The following PEMT variants were observed in gnomAD, a reference collection of about 807,000 sequenced individuals.
PEMT encodes the protein phospholipid methyltransferase.
In PEMT, 23 loss-of-function variants were observed where a neutral mutation model predicts 27.4. The ratio of observed to expected loss-of-function variants is 0.84; its 90% confidence interval spans 0.60 to 1.19. The LOEUF (loss-of-function observed/expected upper bound fraction) is 1.19. PEMT is among the 50% of genes most tolerant of loss of function. The probability of loss-of-function intolerance (pLI) is 0.00; values close to 1 mark genes in which losing one functional copy is unlikely to be tolerated. For missense variants in PEMT, 307 were observed against 310.1 expected (o/e 0.99, Z 0.07); for synonymous variants, 137 against 139.1 (o/e 0.98, Z 0.11).
intron 5 of PEMT, chr17:17,507,076 T>G: frequency 8.1e-7 from 1 of 1,230,286 alleles, no homozygotes; most frequent in Non-Finnish European, 1.2e-6. Flanking sequence ...CGGCAGCTCG[T>G]CAGTGACGGC....
In PEMT at chr17:17,559,597, C is replaced by G. The variant is rs1353925853; in HGVS notation, c.204+17323G>C. Among the ~76,000 whole-genome samples the G allele has an allele frequency of 2.6e-5, 4 of 152,302 alleles. No individual in the cohort carries two copies. In the East Asian group the frequency reaches 7.7e-4, roughly 29 times the overall value. Reference sequence around the variant, plus strand: ...AAAGGCTGGTGGGGCCAGATGAAGGCCAGTTCTGGCTGGTAAGGGACGTCC... The same window carrying G: ...AAAGGCTGGTGGGGCCAGATGAAGGGCAGTTCTGGCTGGTAAGGGACGTCC... On this transcript the variant is annotated intron_variant, in intron 2 of 6. Coordinates refer to ENST00000255389, the MANE Select transcript of PEMT (RefSeq NM_148172.3).
intron 3 of PEMT, chr17:17,517,999 C>T (rs559623596): frequency 1.1e-5 from 11 of 985,426 alleles, no homozygotes; most frequent in African/African-American, 3.5e-5. Flanking sequence ...GATTCCTGAT[C>T]GACAGCCACA....
intron 3 of PEMT, among the ~76,000 whole-genome samples, chr17:17,515,064 C>T (rs971430600): frequency 6.6e-6 from 1 of 152,164 alleles, no homozygotes; most frequent in Non-Finnish European, 1.5e-5. Context: ...CCAGGTGCTG[C>T]AATAGGGGGT....
At chr17:17,581,483 A>C (rs1911975978) in intron 1 of PEMT, among the ~76,000 whole-genome samples, 1 of 152,190 alleles carries the variant, frequency 6.6e-6, no homozygotes, top group Non-Finnish European at 1.5e-5. Flanking sequence ...ACAAGGATAA[A>C]AGTGAGTGCT....
chr17:17,537,192 G>T (rs1908535964), intron 2 of PEMT, among the ~76,000 whole-genome samples: 1 of 152,214 alleles, frequency 6.6e-6, no homozygotes, highest in East Asian at 1.9e-4. Flanking sequence ...TGCTGCCCTG[G>T]AAAGAAGGAG....
At chr17:17,577,071 G>T in intron 1 of PEMT, 44 bp from the exon 2 acceptor site, 1 of 1,437,344 alleles carries the variant, frequency 7.0e-7, no homozygotes, top group South Asian at 1.1e-5. Flanking sequence ...GACACAGCAG[G>T]GCCTGTGAGC....
At chr17:17,536,152 G>A (rs1908455990) in intron 2 of PEMT, among the ~76,000 whole-genome samples, 1 of 152,256 alleles carries the variant, frequency 6.6e-6, no homozygotes, top group South Asian at 2.1e-4. Context: ...CACAGGGCCT[G>A]CTGCACACCA....
At chr17:17,537,631 C>T (rs1163609710) in intron 2 of PEMT, among the ~76,000 whole-genome samples, 1 of 152,200 alleles carries the variant, frequency 6.6e-6, no homozygotes, top group Non-Finnish European at 1.5e-5. Context: ...TACTTGTCTT[C>T]TGGGAGAAAG....
At chr17:17,576,863 G>A (rs1024119596) in intron 2 of PEMT, 57 bp downstream of exon 2, 5 of 1,384,410 alleles carry the variant, frequency 3.6e-6, no homozygotes, top group Middle Eastern at 3.5e-4. Context: ...CCCTGCATGT[G>A]GGGCTCACCA....
intron 1 of PEMT, among the ~76,000 whole-genome samples, chr17:17,585,058 C>T (rs1401355435): frequency 6.6e-6 from 1 of 152,234 alleles, no homozygotes; most frequent in African/African-American, 2.4e-5. Context: ...AGGTGAGTGG[C>T]CAGGCGCGGT....
intron 3 of PEMT, among the ~76,000 whole-genome samples, chr17:17,521,246 T>C (rs16961840): frequency 0.017 from 2,527 of 152,310 alleles, 59 homozygotes; most frequent in African/African-American, 0.057. Flanking sequence ...TAGTTTCTCA[T>C]TTTTTGGAGA....
rs750159472 is a variant in PEMT at position 17,509,549 on chromosome 17, T to A, written c.467-4A>T. The A allele has an allele frequency of 6.3e-7, 1 of 1,598,626 alleles. No homozygotes were observed. The highest frequency in any genetic ancestry group is 8.6e-7 in the Non-Finnish European group (1 of 1,165,918). ...TTGAGGATCCCGAAGTAATCACCTGTGGATGAGGCAAGGCAGGGTCCCTCG... is the reference window on the plus strand; with the variant it reads ...TTGAGGATCCCGAAGTAATCACCTGAGGATGAGGCAAGGCAGGGTCCCTCG... On this transcript the variant is annotated splice_polypyrimidine_tract_variant and splice_region_variant and intron_variant, in intron 4 of 6. Coordinates refer to ENST00000255389, the MANE Select transcript of PEMT (RefSeq NM_148172.3).
intron 1 of PEMT, among the ~76,000 whole-genome samples, chr17:17,589,519 TCTCA>T (rs1395210388): frequency 2.0e-5 from 3 of 152,152 alleles, no homozygotes; most frequent in South Asian, 4.1e-4. Flanking sequence ...TTCCATTTCT[TCTCA>T]CTAATTTAAC....
chr17:17,585,006 G>A (rs1912168876), intron 1 of PEMT, among the ~76,000 whole-genome samples: 1 of 152,244 alleles, frequency 6.6e-6, no homozygotes, highest in South Asian at 2.1e-4. Context: ...GAGTCCTGGT[G>A]ACAACCCTGC....
chr17:17,528,656 C>G (rs950815953), intron 2 of PEMT, among the ~76,000 whole-genome samples: 1 of 152,232 alleles, frequency 6.6e-6, no homozygotes, highest in Non-Finnish European at 1.5e-5. Flanking sequence ...GCCCATGACT[C>G]CTGTCTCTCC....
intron 2 of PEMT, among the ~76,000 whole-genome samples, chr17:17,568,411 A>G (rs1490127664): frequency 2.0e-5 from 3 of 152,238 alleles, no homozygotes; most frequent in Admixed American, 2.0e-4. Context: ...CTAATGTCCA[A>G]TCTGACCTTG....
chr17:17,529,380 C>T (rs940466054), intron 2 of PEMT, among the ~76,000 whole-genome samples: 30 of 152,340 alleles, frequency 2.0e-4, no homozygotes, highest in African/African-American at 7.2e-4. Flanking sequence ...GCATCCAAAG[C>T]GTCCCACAGC....
In PEMT at chr17:17,512,603, G is replaced by T; in HGVS notation, c.372C>A (p.Pro124=). Residue 124 remains proline (P), a synonymous_variant, in exon 4 of 7, where the codon CCC becomes CCA. Transcript: ENST00000255389. This position sits in a 1 kb window ranked among gnomAD's most constrained non-coding sequence, Gnocchi z 6.3. Reference sequence around the variant, plus strand: ...GCGCGAGGCCCAGGCTGTAGGCCGCGGGGGTGTCCAGGCTCTCCATCCTGG... The same window carrying T: ...GCGCGAGGCCCAGGCTGTAGGCCGCTGGGGTGTCCAGGCTCTCCATCCTGG... The part of the protein sequence containing the change: ...SQPRMESLDT[P]AAYSLGLALL... 1 of 1,600,744 alleles carries T rather than the reference G, an allele frequency of 6.2e-7. No individual in the cohort carries two copies.
At chr17:17,528,452 G>T in intron 2 of PEMT, among the ~76,000 whole-genome samples, 1 of 152,250 alleles carries the variant, frequency 6.6e-6, no homozygotes, top group East Asian at 1.9e-4. Context: ...GCACGGGTCT[G>T]TGTGGAATGA....
Sources: allele counts gnomAD v4.1 joint callset (sites outside exome capture counted in the v4.1 genomes callset), GRCh38; gene constraint gnomAD v4.1.1; non-coding constraint Gnocchi (gnomAD v3.1); transcripts MANE v1.5; gene names NCBI Gene and HGNC (gene_info 2026-07-23, HGNC 2026-07-21).